The following RIPK2 variants were observed in gnomAD, a reference collection of about 807,000 sequenced individuals.
RIPK2 encodes the protein receptor-interacting serine/threonine-protein kinase 2.
Under a neutral mutation model 60.9 loss-of-function variants are expected in RIPK2, and 38 were observed. The ratio of observed to expected loss-of-function variants is 0.62; its 90% CI spans 0.48 to 0.82. RIPK2 has a LOEUF of 0.82. RIPK2 is among the 40% of genes least tolerant of loss of function. The pLI is 0.00. For synonymous variants in RIPK2, 225 were observed against 223.4 expected, an observed-to-expected ratio of 1.01 and a Z score of -0.06; for missense variants, 518 against 647.0, an observed-to-expected ratio of 0.80 and a Z score of 2.16.
chr8:89,763,577 GAGTCTGT>G (rs1809179642), intron 2 of RIPK2, among the ~76,000 whole-genome samples: 1 of 152,096 alleles, frequency 6.6e-6, no homozygotes, highest in Non-Finnish European at 1.5e-5. Context: ...ATATTATCAT[GAGTCTGT>G]AGTTTCAGTA....
chr8:89,776,796 C>T (rs1282082311), intron 6 of RIPK2, among the ~76,000 whole-genome samples: 3 of 152,092 alleles, frequency 2.0e-5, no homozygotes, highest in Non-Finnish European at 4.4e-5. Flanking sequence ...AACCAGCGAC[C>T]CCACTTCTGG....
intron 2 of RIPK2, among the ~76,000 whole-genome samples, chr8:89,764,396 G>A (rs1013051498): frequency 2.0e-5 from 3 of 152,088 alleles, no homozygotes; most frequent in Non-Finnish European, 4.4e-5. Flanking sequence ...CACTCCCCCT[G>A]CCAGATTGAT....
At chr8:89,775,732 A>T (rs43134) in intron 6 of RIPK2, among the ~76,000 whole-genome samples, 1 of 151,894 alleles carries the variant, frequency 6.6e-6, no homozygotes, top group Non-Finnish European at 1.5e-5. Context: ...AGATCTGGTT[A>T]TAGAACCCTG....
rs1446378508 is a variant in RIPK2, at chr8:89,758,040, C to A, written c.-21C>A. The A allele has an allele frequency of 4.5e-6, 7 of 1,559,716 alleles. No individual in the cohort carries two copies. In the African/African-American group the frequency reaches 9.5e-5, roughly 21 times the overall value. ...GCCGCAGCAGGGGGCACACCCGGAA[C>A]CGGCCTGAGCGCCCGGGACCATGAA... On this transcript the variant is annotated 5_prime_UTR_variant, in exon 1 of 11. Coordinates refer to ENST00000220751, the MANE Select transcript of RIPK2 (RefSeq NM_003821.6).
At chr8:89,775,163 C>G (rs1809376232) in intron 6 of RIPK2, among the ~76,000 whole-genome samples, 1 of 152,138 alleles carries the variant, frequency 6.6e-6, no homozygotes, top group African/African-American at 2.4e-5. Flanking sequence ...TATGGCCAGG[C>G]ACAGTGGCCC....
rs190183089 is a variant in RIPK2 at position 89,765,032 on chromosome 8, T to C, written c.328-309T>C. Among the ~76,000 whole-genome samples the C allele has an allele frequency of 2.4e-3, 361 of 152,176 alleles. 1 individual carries two copies. Among genetic ancestry groups the C allele is most frequent in the African/African-American group, 8.3e-3 (344 of 41,554 alleles). On this transcript the variant is annotated intron_variant, in intron 2 of 10. Coordinates refer to ENST00000220751, the MANE Select transcript of RIPK2 (RefSeq NM_003821.6). ...GGGTGTAAGTATATGACTCTGGCTA[T>C]ATACAGATACAAAGTAATTGAGATT...
chr8:89,758,466 A>G (rs1019057605), intron 1 of RIPK2, among the ~76,000 whole-genome samples: 1 of 152,024 alleles, frequency 6.6e-6, no homozygotes. Context: ...TCCTCCACAC[A>G]TCTCTCCATT....
intron 8 of RIPK2, among the ~76,000 whole-genome samples, chr8:89,786,033 G>A (rs1003460871): frequency 5.9e-5 from 9 of 152,158 alleles, no homozygotes; most frequent in South Asian, 2.1e-4. Flanking sequence ...ATCTGAGATC[G>A]TGTAGAAAAT....
At chr8:89,775,716 G>A (rs921489790) in intron 6 of RIPK2, among the ~76,000 whole-genome samples, 2 of 152,152 alleles carry the variant, frequency 1.3e-5, no homozygotes, top group African/African-American at 4.8e-5. Flanking sequence ...AGTACAAGAA[G>A]TTTGTAGATC....
chr8:89,783,980 TGTA>T, intron 7 of RIPK2, 67 bp from the exon 8 acceptor site: 1 of 807,060 alleles, frequency 1.2e-6, no homozygotes, highest in Non-Finnish European at 2.0e-6. Context: ...TGTGTTAGAT[TGTA>T]TTTTACTTCT....
rs139744651 is a variant in RIPK2, at chr8:89,773,451, G to A, written c.853+623G>A. 2.4e-3 allele frequency among the ~76,000 whole-genome samples: 360 copies of A among 152,236 alleles called. 1 individual carries two copies. Among genetic ancestry groups the A allele is most frequent in the African/African-American group, 8.3e-3 (345 of 41,546 alleles). On this transcript the variant is annotated intron_variant, in intron 6 of 10. Transcript: ENST00000220751. ...AAACAGTGAGAAGGCCTGTGTGGCT[G>A]GAATACAGTGAGCAAGGAAAGGAAT...
chr8:89,758,071 A>T lies in RIPK2; in HGVS notation c.11A>T (p.Glu4Val). 6.2e-7 allele frequency: 1 copy of T among 1,600,296 alleles called. No individual in the cohort carries two copies. The change falls in exon 1 of 11, where the codon GAG becomes GTG. Residue 4 changes from glutamate to valine, a missense_variant. By Grantham distance (121) the Glu-to-Val change is moderately radical (BLOSUM62 -2). This residue lies in a region of RIPK2 where 448 missense variants were observed against 534.7 expected (regional missense o/e 0.84). Transcript: ENST00000220751. ...TGAGCGCCCGGGACCATGAACGGGG[A>T]GGCCATCTGCAGCGCCCTGCCCACC... MNG[E>V]AICSALPTIP...
intron 1 of RIPK2, among the ~76,000 whole-genome samples, chr8:89,758,619 T>C (rs1159393623): frequency 1.3e-5 from 2 of 152,176 alleles, no homozygotes; most frequent in Non-Finnish European, 2.9e-5. Context: ...GTTTGCTTTG[T>C]TTTTTCCTTA....
chr8:89,786,445 G>A, intron 8 of RIPK2, 148 bp from the exon 9 acceptor site: 1 of 573,078 alleles, frequency 1.7e-6, no homozygotes, highest in Non-Finnish European at 3.1e-6. Context: ...CTGCACTCCA[G>A]ACTGGGCAAC....
At chr8:89,759,662 A>G (rs1306346641) in intron 1 of RIPK2, among the ~76,000 whole-genome samples, 1 of 152,216 alleles carries the variant, frequency 6.6e-6, no homozygotes, top group East Asian at 1.9e-4. Flanking sequence ...TGTTTACTCC[A>G]GGCCTTATAT....
At chr8:89,772,866 A>C in intron 6 of RIPK2, 38 bp downstream of exon 6, 2 of 1,391,604 alleles carry the variant, frequency 1.4e-6, no homozygotes, top group Non-Finnish European at 1.9e-6. Flanking sequence ...TTTGAATTAC[A>C]GAATTAGTTA....
At chr8:89,759,849 T>C (rs1365052403) in intron 1 of RIPK2, among the ~76,000 whole-genome samples, 1 of 152,210 alleles carries the variant, frequency 6.6e-6, no homozygotes, top group Admixed American at 6.5e-5. Context: ...CCACTTTGGG[T>C]GCTGCTTCTC....
chr8:89,770,671 TAATA>T (rs145955070), intron 4 of RIPK2, among the ~76,000 whole-genome samples: 8,806 of 151,906 alleles, frequency 0.058, 773 homozygotes, highest in African/African-American at 0.19. Flanking sequence ...TTGCCATCTT[TAATA>T]AATAATTTGT....
intron 1 of RIPK2, among the ~76,000 whole-genome samples, 155 bp from the exon 2 acceptor site, chr8:89,762,674 A>G (rs866678154): frequency 6.6e-6 from 1 of 152,182 alleles, no homozygotes; most frequent in Non-Finnish European, 1.5e-5. Context: ...TATTATTTCT[A>G]TTTTAAATAT....
Sources: gnomAD v4.1 joint callset for allele counts (sites outside exome capture counted in the v4.1 genomes callset) on GRCh38, gnomAD v4.1.1 for gene constraint, gnomAD v4.1.1 regional missense constraint, MANE v1.5 for transcripts, NCBI Gene and HGNC (gene_info 2026-07-23, HGNC 2026-07-21) for gene names.